The following KCNC2 variants were observed in gnomAD, a reference collection of about 807,000 sequenced individuals.
The protein encoded by KCNC2 is potassium voltage-gated channel subfamily C member 2, also known as voltage-gated potassium channel KCNC2.
KCNC2 carries 21 observed loss-of-function variants against 44.5 expected under a neutral mutation model. That is an observed-to-expected ratio of 0.47 (90% CI 0.33 to 0.68). The LOEUF (loss-of-function observed/expected upper bound fraction) is 0.68, where lower values mean the gene tolerates loss of function less well. Ranked by LOEUF, KCNC2 falls within the 30% of genes least tolerant of loss-of-function variation. KCNC2 has a pLI of 0.01. For synonymous variants in KCNC2, 391 were observed against 339.1 expected (o/e 1.15, Z -1.68); for missense variants, 589 against 826.2 (o/e 0.71, Z 3.52).
intron 2 of KCNC2, among the ~76,000 whole-genome samples, chr12:75,127,865 G>A (rs917851474): frequency 2.0e-5 from 3 of 152,156 alleles, no homozygotes; most frequent in Non-Finnish European, 4.4e-5. Flanking sequence ...GGATTTCCCA[G>A]TTTCAGTTGC....
intron 2 of KCNC2, among the ~76,000 whole-genome samples, chr12:75,102,834 TA>T (rs1886480803): frequency 6.6e-6 from 1 of 151,972 alleles, no homozygotes; most frequent in South Asian, 2.1e-4. Flanking sequence ...CGTTTATTAA[TA>T]ATAGAGCTTT....
At chr12:75,190,748 A>T (rs2030127414) in intron 2 of KCNC2, among the ~76,000 whole-genome samples, 1 of 152,152 alleles carries the variant, frequency 6.6e-6, no homozygotes, top group Non-Finnish European at 1.5e-5. Context: ...GATGTTTCCA[A>T]ATTGACTCCA....
chr12:75,203,142 TTAATA>T (rs1306346320), intron 2 of KCNC2, among the ~76,000 whole-genome samples: 1 of 151,804 alleles, frequency 6.6e-6, no homozygotes, highest in Non-Finnish European at 1.5e-5. Flanking sequence ...TCCTTTAATC[TTAATA>T]TATGATTCAA....
intron 2 of KCNC2, among the ~76,000 whole-genome samples, chr12:75,176,142 C>A (rs529935527): frequency 6.0e-4 from 91 of 152,176 alleles, no homozygotes; most frequent in African/African-American, 2.1e-3. Flanking sequence ...TGTAACTTAA[C>A]TGAAACACTG....
intron 2 of KCNC2, among the ~76,000 whole-genome samples, chr12:75,196,231 C>A (rs2030751988): frequency 6.6e-6 from 1 of 152,076 alleles, no homozygotes; most frequent in African/African-American, 2.4e-5. Flanking sequence ...TTGCCGCTTG[C>A]AATATGCCTG....
At chr12:75,182,281 T>C (rs1412019125) in intron 2 of KCNC2, among the ~76,000 whole-genome samples, 1 of 151,322 alleles carries the variant, frequency 6.6e-6, no homozygotes, top group African/African-American at 2.4e-5. Context: ...ATCCAGCACT[T>C]TGGGAGGCCG....
At chr12:75,183,797 T>C (rs932770554) in intron 2 of KCNC2, among the ~76,000 whole-genome samples, 2 of 152,196 alleles carry the variant, frequency 1.3e-5, no homozygotes, top group East Asian at 1.9e-4. Flanking sequence ...AATGTTCATG[T>C]CTTAGAATAT....
chr12:75,057,817 C>G (rs1159360765), intron 2 of KCNC2, among the ~76,000 whole-genome samples: 1 of 151,682 alleles, frequency 6.6e-6, no homozygotes, highest in East Asian at 1.9e-4. Flanking sequence ...CCCAAAATTA[C>G]TATTGACCAC....
At chr12:75,076,963 A>G (rs1210331532) in intron 2 of KCNC2, among the ~76,000 whole-genome samples, 1 of 152,152 alleles carries the variant, frequency 6.6e-6, no homozygotes, top group Non-Finnish European at 1.5e-5. Flanking sequence ...AACTTTTAGT[A>G]GTAGATTATT....
Position 75,042,915 on chromosome 12 carries a change from A to G in KCNC2, c.*190T>C, listed in dbSNP as rs1880073050. ...AGGGATCTTAGCACTACTTTAGACA[A>G]TCTTTAAAGCCTGGGTAAGATTCAT... On this transcript the variant is annotated 3_prime_UTR_variant, in exon 5 of 5. Coordinates refer to ENST00000549446, the MANE Select transcript of KCNC2 (RefSeq NM_139137.4). The G allele has an allele frequency of 7.2e-6, 10 of 1,393,452 alleles. No homozygotes were observed. Among genetic ancestry groups the G allele is most frequent in the Non-Finnish European group, 9.3e-6 (10 of 1,076,634 alleles). 86.3% of individuals were successfully genotyped at this position (1,393,452 alleles called of 1,614,324 possible). A position where few individuals can be genotyped will look rare whatever the true frequency, so the allele number is the denominator to read the frequency against.
At chr12:75,198,563 T>C (rs1052127750) in intron 2 of KCNC2, among the ~76,000 whole-genome samples, 1 of 151,850 alleles carries the variant, frequency 6.6e-6, no homozygotes, top group Non-Finnish European at 1.5e-5. Flanking sequence ...GTAATAACTA[T>C]TGTTATATTT....
At chr12:75,172,570 T>G (rs1305358310) in intron 2 of KCNC2, among the ~76,000 whole-genome samples, 6 of 151,900 alleles carry the variant, frequency 3.9e-5, no homozygotes, top group African/African-American at 1.4e-4. Context: ...AGTCTATTTC[T>G]AAATCAGCCC....
At chr12:75,191,870 T>G (rs1046657591) in intron 2 of KCNC2, among the ~76,000 whole-genome samples, 2 of 152,134 alleles carry the variant, frequency 1.3e-5, no homozygotes, top group Non-Finnish European at 2.9e-5. Flanking sequence ...ATTTTATAAA[T>G]TTATTTCATC....
intron 2 of KCNC2, among the ~76,000 whole-genome samples, chr12:75,195,783 G>T (rs577337594): frequency 2.1e-4 from 32 of 152,182 alleles, no homozygotes; most frequent in Admixed American, 2.0e-4. Context: ...TTACAAATTT[G>T]TTTGCCGCTG....
At chr12:75,137,179 C>T (rs1889292839) in intron 2 of KCNC2, among the ~76,000 whole-genome samples, 1 of 152,254 alleles carries the variant, frequency 6.6e-6, no homozygotes, top group Non-Finnish European at 1.5e-5. Context: ...TCTCTCCTAC[C>T]TCATTGACAT....
intron 2 of KCNC2, among the ~76,000 whole-genome samples, chr12:75,114,850 C>A (rs1265336490): frequency 2.8e-5 from 4 of 143,392 alleles, no homozygotes; most frequent in African/African-American, 7.7e-5. Context: ...CAACATTCAA[C>A]TTCTACTTTT....
At chr12:75,107,309 A>C (rs1196673828) in intron 2 of KCNC2, among the ~76,000 whole-genome samples, 2 of 150,718 alleles carry the variant, frequency 1.3e-5, no homozygotes, top group South Asian at 2.1e-4. Flanking sequence ...ATCTCAAAAA[A>C]ATAAATAATA....
chr12:75,113,904 A>C (rs1565866188), intron 2 of KCNC2, among the ~76,000 whole-genome samples: 1 of 152,168 alleles, frequency 6.6e-6, no homozygotes, highest in East Asian at 1.9e-4. Context: ...AGGGAAAAAA[A>C]AGAGTTTTGT....
At chr12:75,124,119 A>G (rs1447113838) in intron 2 of KCNC2, 2 of 152,150 alleles carry the variant, frequency 1.3e-5, no homozygotes, top group Non-Finnish European at 2.9e-5. Context: ...TTCCCTAAAT[A>G]AATTTTTACA....
Sources: allele counts gnomAD v4.1 joint callset (sites outside exome capture counted in the v4.1 genomes callset), GRCh38; gene constraint gnomAD v4.1.1; transcripts MANE v1.5; gene names NCBI Gene and HGNC (gene_info 2026-07-23, HGNC 2026-07-21).